Variants in ST8SIA6 observed in about 807,000 individuals in gnomAD.
ST8SIA6 encodes the protein alpha-2,8-sialyltransferase 8F.
A neutral mutation model predicts 33.6 loss-of-function variants in ST8SIA6; 39 were observed. The observed-to-expected ratio is 1.16, with a 90% confidence interval of 0.90 to 1.52. The LOEUF (loss-of-function observed/expected upper bound fraction) is 1.52. ST8SIA6 is among the 40% of genes most tolerant of loss of function. ST8SIA6 has a pLI of 0.00. For synonymous variants in ST8SIA6, 172 were observed against 167.2 expected, an observed-to-expected ratio of 1.03 and a Z score of -0.22; for missense variants, 441 against 443.8, an observed-to-expected ratio of 0.99 and a Z score of 0.06.
intron 3 of ST8SIA6, among the ~76,000 whole-genome samples, chr10:17,384,426 A>G (rs1290169260): frequency 6.6e-6 from 1 of 152,252 alleles, no homozygotes; most frequent in Non-Finnish European, 1.5e-5. Flanking sequence ...ATATACAAAT[A>G]ATTAGGCCAA....
At chr10:17,402,693 A>G (rs1032318103) in intron 2 of ST8SIA6, among the ~76,000 whole-genome samples, 4 of 151,910 alleles carry the variant, frequency 2.6e-5, no homozygotes, top group African/African-American at 7.3e-5. Context: ...CAAACACCGC[A>G]TGTTCTCACT....
intron 3 of ST8SIA6, among the ~76,000 whole-genome samples, chr10:17,370,510 C>G (rs1849697928): frequency 1.3e-5 from 2 of 151,986 alleles, no homozygotes; most frequent in South Asian, 4.2e-4. Flanking sequence ...TGTGGTTGCT[C>G]TAAGGTTTAC....
intron 3 of ST8SIA6, among the ~76,000 whole-genome samples, chr10:17,373,881 A>G (rs1427184881): frequency 6.6e-6 from 1 of 152,176 alleles, no homozygotes; most frequent in Admixed American, 6.5e-5. Context: ...ATTGTAGTCT[A>G]GCAAGCCAGT....
chr10:17,389,257 C>G (rs1850492767), intron 3 of ST8SIA6, among the ~76,000 whole-genome samples: 1 of 152,308 alleles, frequency 6.6e-6, no homozygotes, highest in East Asian at 1.9e-4. Context: ...TCCCACACAG[C>G]CAGCTCTGCG....
At chr10:17,364,929 T>A (rs999549105) in intron 3 of ST8SIA6, among the ~76,000 whole-genome samples, 5 of 152,188 alleles carry the variant, frequency 3.3e-5, no homozygotes, top group Non-Finnish European at 7.4e-5. Flanking sequence ...AAACTGAAAG[T>A]TCTGAGAAGA....
At chr10:17,418,993 C>G (rs79924099) in intron 2 of ST8SIA6, among the ~76,000 whole-genome samples, 1 of 56,138 alleles carries the variant, frequency 1.8e-5, no homozygotes. Flanking sequence ...GGCTCCATCT[C>G]AAAAAAAAAA....
chr10:17,374,515 G>C (rs1849835354), intron 3 of ST8SIA6, among the ~76,000 whole-genome samples: 1 of 151,740 alleles, frequency 6.6e-6, no homozygotes, highest in Non-Finnish European at 1.5e-5. Context: ...CTGAGGTCAG[G>C]AGTTCGAGAG....
At chr10:17,450,577 A>C (rs1375759672) in intron 2 of ST8SIA6, among the ~76,000 whole-genome samples, 1 of 152,014 alleles carries the variant, frequency 6.6e-6, no homozygotes, top group African/African-American at 2.4e-5. Context: ...AGTAGCTGGG[A>C]CTACAGGTGC....
chr10:17,361,934 A>G (rs1849406773), intron 3 of ST8SIA6, among the ~76,000 whole-genome samples: 1 of 152,216 alleles, frequency 6.6e-6, no homozygotes, highest in African/African-American at 2.4e-5. Context: ...CTCAGCACAC[A>G]AAAGGATTTG....
At chr10:17,422,608 A>G (rs897300378) in intron 2 of ST8SIA6, among the ~76,000 whole-genome samples, 7 of 152,338 alleles carry the variant, frequency 4.6e-5, no homozygotes, top group Admixed American at 3.9e-4. Context: ...GTCAAGGTTC[A>G]AGACACATTG....
At chr10:17,338,031 C>T (rs961461989) in intron 4 of ST8SIA6, among the ~76,000 whole-genome samples, 8 of 131,452 alleles carry the variant, frequency 6.1e-5, no homozygotes, top group Admixed American at 1.6e-4. Flanking sequence ...AAATACTATT[C>T]TTTTTTTTTT....
chr10:17,367,997 A>C (rs1174949927), intron 3 of ST8SIA6, among the ~76,000 whole-genome samples: 3 of 152,122 alleles, frequency 2.0e-5, no homozygotes, highest in Non-Finnish European at 4.4e-5. Context: ...TCCGTACAGC[A>C]CTTATCCTTT....
chr10:17,345,931 C>G (rs1230821989), intron 4 of ST8SIA6, among the ~76,000 whole-genome samples: 1 of 152,168 alleles, frequency 6.6e-6, no homozygotes, highest in African/African-American at 2.4e-5. Flanking sequence ...ACCTAAAATT[C>G]CTCCGCTTGA....
At chr10:17,415,468 A>T (rs1851572944) in intron 2 of ST8SIA6, among the ~76,000 whole-genome samples, 1 of 152,160 alleles carries the variant, frequency 6.6e-6, no homozygotes, top group Non-Finnish European at 1.5e-5. Context: ...GCTTTGTCTC[A>T]GACTACCATC....
At chr10:17,435,945 C>G (rs560409317) in intron 2 of ST8SIA6, among the ~76,000 whole-genome samples, 1 of 152,260 alleles carries the variant, frequency 6.6e-6, no homozygotes, top group Admixed American at 6.5e-5. Flanking sequence ...CCAAATAAAT[C>G]AGAGTCTAGG....
intron 3 of ST8SIA6, among the ~76,000 whole-genome samples, chr10:17,386,303 AG>A (rs1850345066): frequency 6.6e-6 from 1 of 151,552 alleles, no homozygotes; most frequent in South Asian, 2.1e-4. Context: ...CAAGGTCAGG[AG>A]CTCGATCACA....
chr10:17,413,612 TACTG>T (rs1851519690), intron 2 of ST8SIA6: 1 of 152,340 alleles, frequency 6.6e-6, no homozygotes, highest in African/African-American at 2.4e-5. Flanking sequence ...TACACAGAAA[TACTG>T]ACCATTTTGA....
chr10:17,319,868 A>G lies in ST8SIA6; in HGVS notation c.*1010T>C, dbSNP rs1588769812. ...TTCCCATATCTGCAGATTAGGGGAG[A>G]CTATTGTACATTGAAATAGATTCCA... On this transcript the variant is annotated 3_prime_UTR_variant, in exon 8 of 8. Transcript: ENST00000377602. 1 of 152,152 alleles carries G rather than the reference A, an allele frequency of 6.6e-6. No individual in the cohort carries two copies. The highest frequency in any genetic ancestry group is 2.4e-5 in the African/African-American group (1 of 41,430). 9.4% of individuals were successfully genotyped at this position (152,152 alleles called of 1,614,324 possible). A position where few individuals can be genotyped will look rare whatever the true frequency, so the allele number is the denominator to read the frequency against.
intron 4 of ST8SIA6, among the ~76,000 whole-genome samples, chr10:17,341,900 C>CAAAAAAAAAAAAAAAAAAAAAAAAAAA (rs71393004): frequency 1.4e-5 from 1 of 73,164 alleles, no homozygotes; most frequent in Non-Finnish European, 2.4e-5. Flanking sequence ...GGCTCCATCT[C>CAAAAAAAAAAAAAAAAAAAAAAAAAAA]AAAAAAAAAA....
Sources: gnomAD v4.1 joint callset for allele counts (sites outside exome capture counted in the v4.1 genomes callset) on GRCh38, gnomAD v4.1.1 for gene constraint, MANE v1.5 for transcripts, NCBI Gene and HGNC (gene_info 2026-07-23, HGNC 2026-07-21) for gene names.